The following MARCHF2 variants were observed in gnomAD, a reference collection of about 807,000 sequenced individuals.
The protein encoded by MARCHF2 is membrane associated ring-CH-type finger 2.
MARCHF2 carries 22 observed loss-of-function variants against 24.0 expected under a neutral mutation model. The observed-to-expected ratio is 0.92, with a 90% confidence interval of 0.66 to 1.31. MARCHF2 has a LOEUF of 1.31. Ranked by LOEUF, MARCHF2 falls within the 50% of genes most tolerant of loss-of-function variation. MARCHF2 has a pLI of 0.00. For synonymous variants in MARCHF2, 154 were observed against 153.0 expected (o/e 1.01, Z -0.05); for missense variants, 301 against 335.3 (o/e 0.90, Z 0.80).
chr19:8,435,023 T>A (rs1967677009), intron 4 of MARCHF2, among the ~76,000 whole-genome samples: 1 of 149,698 alleles, frequency 6.7e-6, no homozygotes, highest in African/African-American at 2.4e-5. Flanking sequence ...TTTTTTAATT[T>A]TTTTTTTTTT....
chr19:8,429,806 T>C (rs1267277384), intron 3 of MARCHF2, among the ~76,000 whole-genome samples: 2 of 50,844 alleles, frequency 3.9e-5, no homozygotes, highest in African/African-American at 2.0e-4. Context: ...ACCAGGGCTT[T>C]TTTTTTTTTT....
chr19:8,426,840 G>A, intron 3 of MARCHF2, 36 bp downstream of exon 3: 1 of 1,591,336 alleles, frequency 6.3e-7, no homozygotes, highest in Non-Finnish European at 8.6e-7. Context: ...GTGGGCAGTG[G>A]GGAGAGGGCA....
Position 8,415,671 on chromosome 19 carries a change from A to G in MARCHF2, c.-53+2251A>G, listed in dbSNP as rs1967057778. Reference sequence around the variant, plus strand: ...GGGAGGCGGAGGTTGCAGAGAACCGAGGTGGTGCCATTGCTCTCCACCCTG... The same window carrying G: ...GGGAGGCGGAGGTTGCAGAGAACCGGGGTGGTGCCATTGCTCTCCACCCTG... On this transcript the variant is annotated intron_variant, in intron 1 of 4. Coordinates refer to ENST00000215555, the MANE Select transcript of MARCHF2 (RefSeq NM_001005415.2). Among the ~76,000 whole-genome samples the G allele has an allele frequency of 2.3e-5, 3 of 129,902 alleles. No homozygotes were observed. In the South Asian group the frequency reaches 8.2e-4, roughly 35 times the overall value. 85.2% of individuals were successfully genotyped at this position (129,902 alleles called of 152,430 possible).
chr19:8,429,652 G>C (rs1195271003), intron 3 of MARCHF2, among the ~76,000 whole-genome samples: 10 of 151,334 alleles, frequency 6.6e-5, no homozygotes, highest in Admixed American at 6.6e-4. Context: ...TTATAGGTGC[G>C]TGCTACCACG....
At chr19:8,422,575 C>G (rs1032547494) in intron 2 of MARCHF2, among the ~76,000 whole-genome samples, 10 of 151,838 alleles carry the variant, frequency 6.6e-5, no homozygotes, top group Non-Finnish European at 1.5e-4. Context: ...GTACTTCTAG[C>G]AGAGACGGGG....
intron 4 of MARCHF2, among the ~76,000 whole-genome samples, chr19:8,433,952 T>A (rs988443321): frequency 6.6e-6 from 1 of 151,172 alleles, no homozygotes; most frequent in African/African-American, 2.4e-5. Flanking sequence ...AGGCCTCTGG[T>A]AGGCAGCAGA....
Position 8,438,713 on chromosome 19 carries a change from TG to T in MARCHF2, c.*168del. 1.7e-6 allele frequency: 1 copy of T among 605,702 alleles called. No individual in the cohort carries two copies. The highest frequency in any genetic ancestry group is 2.8e-6 in the Non-Finnish European group (1 of 362,856). 37.5% of individuals were successfully genotyped at this position (605,702 alleles called of 1,614,324 possible). A position where few individuals can be genotyped will look rare whatever the true frequency, so the allele number is the denominator to read the frequency against. ...GCAGAGCCTAGTCTGTGATCCTGTG[TG>T]AAGATATTTTCAGGGTTTTTTTTTT... On this transcript the variant is annotated 3_prime_UTR_variant, in exon 5 of 5. Coordinates refer to ENST00000215555, the MANE Select transcript of MARCHF2 (RefSeq NM_001005415.2).
At chr19:8,420,434 G>T (rs973365864) in intron 1 of MARCHF2, among the ~76,000 whole-genome samples, 1 of 151,076 alleles carries the variant, frequency 6.6e-6, no homozygotes, top group East Asian at 1.9e-4. Context: ...TACTTGGGGG[G>T]CTGAGGCAGG....
In MARCHF2 at chr19:8,415,724, AAAAAAAAAAAC is replaced by A. The variant is rs1464017036; in HGVS notation, c.-53+2313_-53+2323del. Among the ~76,000 whole-genome samples, 6 of 90,404 alleles carry A rather than the reference AAAAAAAAAAAC, an allele frequency of 6.6e-5. 1 individual carries two copies. The highest frequency in any genetic ancestry group is 1.4e-4 in the Non-Finnish European group (6 of 43,936). The allele number at this position is 90,404 out of a possible 152,430, so 59.3% of individuals were successfully genotyped here. On this transcript the variant is annotated intron_variant, in intron 1 of 4. Transcript: ENST00000215555. ...CAACAAGAGTGAAACTCCATCTCAA[AAAAAAAAAAAC>A]AAAAAAAACAAAAAAAAAAACCAGA...
At chr19:8,428,707 C>A (rs1022373299) in intron 3 of MARCHF2, among the ~76,000 whole-genome samples, 1 of 121,046 alleles carries the variant, frequency 8.3e-6, no homozygotes, top group African/African-American at 3.2e-5. Context: ...TGGTGGCTCA[C>A]AATCCCAGCA....
chr19:8,423,150 C>G (rs892633993), intron 2 of MARCHF2, among the ~76,000 whole-genome samples: 2 of 150,876 alleles, frequency 1.3e-5, no homozygotes, highest in Admixed American at 6.6e-5. Flanking sequence ...ACCTCTGCCT[C>G]CTGGGTTCAA....
rs1055554 is a variant in MARCHF2, at chr19:8,438,737, T to G, written c.*191T>G. 0.23 allele frequency: 131,354 copies of G among 574,864 alleles called. 11,764 individuals carry two copies. Among genetic ancestry groups the G allele is most frequent in the East Asian group, 0.41 (12,808 of 31,546 alleles). 35.6% of individuals were successfully genotyped at this position (574,864 alleles called of 1,614,324 possible). ...GTGAAGATATTTTCAGGGTTTTTTTTTTTTTTTTTTTGCATATGGAGGACA... is the reference window on the plus strand; with the variant it reads ...GTGAAGATATTTTCAGGGTTTTTTTGTTTTTTTTTTTGCATATGGAGGACA... On this transcript the variant is annotated 3_prime_UTR_variant, in exon 5 of 5. Transcript: ENST00000215555.
chr19:8,434,081 C>CTT (rs750325194), intron 4 of MARCHF2, among the ~76,000 whole-genome samples: 200 of 105,954 alleles, frequency 1.9e-3, no homozygotes, highest in Non-Finnish European at 2.4e-3. Context: ...ACCAGCATTT[C>CTT]TTTTTTTTTT....
chr19:8,416,340 CA>C (rs71175852), intron 1 of MARCHF2, among the ~76,000 whole-genome samples: 30,845 of 77,614 alleles, frequency 0.4, 2,776 homozygotes, highest in Middle Eastern at 0.49. Flanking sequence ...GACTCTGTCT[CA>C]AAAAAAAAAA....
At chr19:8,438,097 G>A (rs911008979) in intron 4 of MARCHF2, among the ~76,000 whole-genome samples, 5 of 152,104 alleles carry the variant, frequency 3.3e-5, no homozygotes, top group Non-Finnish European at 7.4e-5. Flanking sequence ...CTTCCAAGAG[G>A]CTGTTTCACT....
rs1017366906 is a variant in MARCHF2, at chr19:8,413,313, G to A, written c.-160G>A. 4.6e-5 allele frequency: 7 copies of A among 151,980 alleles called. No individual in the cohort carries two copies. The highest frequency in any genetic ancestry group is 1.7e-4 in the African/African-American group (7 of 41,418). The allele number at this position is 151,980 out of a possible 1,614,324, so 9.4% of individuals were successfully genotyped here. A position where few individuals can be genotyped will look rare whatever the true frequency, so the allele number is the denominator to read the frequency against. ...CTCGGCGGGCGGTGCCCGGACGCAG[G>A]TGCCGGCCGGAGCGGAGCTAGTGGC... On this transcript the variant is annotated 5_prime_UTR_variant, in exon 1 of 5. In the 5' UTR this introduces an upstream ATG that the reference lacks. Coordinates refer to ENST00000215555, the MANE Select transcript of MARCHF2 (RefSeq NM_001005415.2).
intron 1 of MARCHF2, among the ~76,000 whole-genome samples, chr19:8,420,199 T>TAAATAAA (rs1568235514): frequency 4.1e-5 from 4 of 98,542 alleles, no homozygotes; most frequent in South Asian, 6.9e-4. Context: ...AAATAAATAA[T>TAAATAAA]TAGCTGAGTG....
At chr19:8,436,331 C>A (rs1967721477) in intron 4 of MARCHF2, among the ~76,000 whole-genome samples, 1 of 152,020 alleles carries the variant, frequency 6.6e-6, no homozygotes, top group Non-Finnish European at 1.5e-5. Flanking sequence ...GATGGGGTTT[C>A]ACCATGTTGG....
intron 3 of MARCHF2, chr19:8,427,594 G>C (rs545821708): frequency 1.3e-5 from 2 of 152,198 alleles, no homozygotes; most frequent in Non-Finnish European, 2.9e-5. Flanking sequence ...CATGTCACAG[G>C]GGGTGGGGCA....
Sources: gnomAD v4.1 joint callset for allele counts (sites outside exome capture counted in the v4.1 genomes callset) on GRCh38, gnomAD v4.1.1 for gene constraint, MANE v1.5 for transcripts, NCBI Gene and HGNC (gene_info 2026-07-23, HGNC 2026-07-21) for gene names.